STAG2: variants seen among roughly 807,000 people sequenced by gnomAD.
STAG2 encodes the protein STAG2 cohesin complex component.
In STAG2, 14 loss-of-function variants were observed where a neutral mutation model predicts 108.1. The ratio of observed to expected loss-of-function variants is 0.13; its 90% CI spans 0.09 to 0.20. The LOEUF (loss-of-function observed/expected upper bound fraction) is 0.20. STAG2 is among the 10% of genes least tolerant of loss of function. The pLI is 1.00. For synonymous variants in STAG2, 307 were observed against 302.7 expected, an observed-to-expected ratio of 1.01 and a Z score of -0.15; for missense variants, 440 against 940.9, an observed-to-expected ratio of 0.47 and a Z score of 6.96.
intron 34 of STAG2, among the ~76,000 whole-genome samples, chrX:124,097,487 T>C (rs2059413267): frequency 1.8e-5 from 2 of 111,751 alleles, no homozygotes; most frequent in African/African-American, 6.5e-5. Flanking sequence ...TGCGATGAAA[T>C]GCATTTATTC....
At chrX:124,008,189 A>G (rs1462775043) in intron 1 of STAG2, among the ~76,000 whole-genome samples, 1 of 108,817 alleles carries the variant, frequency 9.2e-6, no homozygotes, top group African/African-American at 3.3e-5. Flanking sequence ...CCTAGTTGCA[A>G]TTTATTATTA....
chrX:124,100,512 G>T (rs2148535668), intron 34 of STAG2, 62 bp from the exon 35 acceptor site: 1 of 961,102 alleles, frequency 1.0e-6, no homozygotes, highest in African/African-American at 1.9e-5. Context: ...AATATTTATG[G>T]ATATATTTAA....
chrX:124,025,675 C>A (rs1569506053), intron 3 of STAG2, among the ~76,000 whole-genome samples, 165 bp from the exon 4 acceptor site: 1 of 111,184 alleles, frequency 9.0e-6, no homozygotes, highest in Admixed American at 9.6e-5. Context: ...TGTTTGGTAA[C>A]GTGCTATAGT....
At chrX:124,053,978 TATA>T (rs1161063538) in intron 13 of STAG2, among the ~76,000 whole-genome samples, 2 of 112,396 alleles carry the variant, frequency 1.8e-5, no homozygotes, top group Admixed American at 1.9e-4. Context: ...CTTACAAACA[TATA>T]TATTAAAGTG....
chrX:123,972,852 CT>C (rs1166468101), intron 1 of STAG2, among the ~76,000 whole-genome samples: 2 of 75,384 alleles, frequency 2.7e-5, no homozygotes, highest in East Asian at 8.9e-4. Flanking sequence ...AACTCCCCCC[CT>C]CTACCAAAAA....
At chrX:124,056,602 G>C (rs1240334955) in intron 14 of STAG2, among the ~76,000 whole-genome samples, 1 of 107,403 alleles carries the variant, frequency 9.3e-6, no homozygotes, top group South Asian at 4.2e-4. Flanking sequence ...GCCTGGTGGC[G>C]GGCGCCTGTA....
intron 1 of STAG2, among the ~76,000 whole-genome samples, chrX:123,978,145 T>C (rs1178001334): frequency 1.9e-5 from 2 of 104,508 alleles, no homozygotes; most frequent in Non-Finnish European, 3.9e-5. Context: ...GCCTGGCCAC[T>C]ACTGAGTTCT....
intron 1 of STAG2, among the ~76,000 whole-genome samples, chrX:123,994,656 A>G (rs1159428468): frequency 8.9e-6 from 1 of 112,146 alleles, no homozygotes; most frequent in Non-Finnish European, 1.9e-5. Flanking sequence ...GAAGGAAATT[A>G]AGACCTTATG....
intron 28 of STAG2, 134 bp from the exon 29 acceptor site, chrX:124,083,287 C>A: frequency 2.2e-6 from 1 of 453,751 alleles, no homozygotes; most frequent in Non-Finnish European, 3.3e-6. Context: ...TCACACTTTA[C>A]AACCTGCTTA....
chrX:123,975,204 A>T (rs1426192813), intron 1 of STAG2, among the ~76,000 whole-genome samples: 1 of 110,184 alleles, frequency 9.1e-6, no homozygotes, highest in Admixed American at 9.7e-5. Flanking sequence ...AACCTTTGAG[A>T]ATTTCCCTTC....
intron 30 of STAG2, among the ~76,000 whole-genome samples, chrX:124,090,192 A>G (rs1215205612): frequency 1.2e-5 from 1 of 84,901 alleles, no homozygotes; most frequent in Non-Finnish European, 2.3e-5. Context: ...AAAAAGGTTT[A>G]GTCCTTGTTT....
Position 123,996,931 on chromosome X carries a change from T to C in STAG2, c.-162-24436T>C, listed in dbSNP as rs867141799. On this transcript the variant is annotated intron_variant, in intron 1 of 34. Coordinates refer to ENST00000371145, the MANE Select transcript of STAG2 (RefSeq NM_001042750.2). ...TTAAATTTTTGCATATGGTACAAGG[T>C]ATGGAAAGAATTAACTTTTTTTGAC... Among the ~76,000 whole-genome samples, 3 of 112,625 alleles carry C rather than the reference T, an allele frequency of 2.7e-5. No homozygotes were observed. In the South Asian group the frequency reaches 1.1e-3, roughly 41 times the overall value.
chrX:124,012,411 C>T lies in STAG2; in HGVS notation c.-162-8956C>T, dbSNP rs188069904. ...TGTTGTTACCACTGTGTGGAATTAC[C>T]AAGTGAAGAATCAAACTCTTAGATC... On this transcript the variant is annotated intron_variant, in intron 1 of 34. Transcript: ENST00000371145. 3.4e-3 allele frequency among the ~76,000 whole-genome samples: 384 copies of T among 111,841 alleles called. 5 individuals are homozygous for T. The highest frequency in any genetic ancestry group is 0.034 in the Admixed American group (353 of 10,501).
chrX:123,990,995 C>T (rs2055431101), intron 1 of STAG2, among the ~76,000 whole-genome samples: 1 of 112,151 alleles, frequency 8.9e-6, no homozygotes, highest in Admixed American at 9.5e-5. Context: ...AGAAGAGCTA[C>T]TTTCTGGTGC....
At chrX:123,986,055 A>T (rs1347183091) in intron 1 of STAG2, among the ~76,000 whole-genome samples, 3 of 105,924 alleles carry the variant, frequency 2.8e-5, no homozygotes, top group Non-Finnish European at 5.8e-5. Context: ...TATATATATC[A>T]TATATATGTG....
At chrX:124,035,554 A>G (rs932696942) in intron 5 of STAG2, among the ~76,000 whole-genome samples, 6 of 111,957 alleles carry the variant, frequency 5.4e-5, no homozygotes, top group African/African-American at 1.9e-4. Flanking sequence ...TGGAATTCAG[A>G]CAGAACTAAG....
At chrX:123,985,424 TCTTA>T (rs1203691473) in intron 1 of STAG2, among the ~76,000 whole-genome samples, 5 of 110,474 alleles carry the variant, frequency 4.5e-5, no homozygotes, top group Non-Finnish European at 7.6e-5. Context: ...AGAGATGGCG[TCTTA>T]CTTTGTTCCC....
intron 25 of STAG2, among the ~76,000 whole-genome samples, chrX:124,073,671 T>C (rs1294915079): frequency 9.0e-6 from 1 of 111,169 alleles, no homozygotes; most frequent in Non-Finnish European, 1.9e-5. Flanking sequence ...AGTCCTCTCA[T>C]CTTGGCTTCT....
At chrX:124,087,550 G>A (rs968018434) in intron 30 of STAG2, among the ~76,000 whole-genome samples, 2 of 111,749 alleles carry the variant, frequency 1.8e-5, no homozygotes, top group African/African-American at 6.5e-5. Context: ...GACCTCAGCT[G>A]TACTGTCTGC....
Sources: gnomAD v4.1 joint callset for allele counts (sites outside exome capture counted in the v4.1 genomes callset) on GRCh38, gnomAD v4.1.1 for gene constraint, MANE v1.5 for transcripts, NCBI Gene and HGNC (gene_info 2026-07-23, HGNC 2026-07-21) for gene names.